The following IQSEC1 variants were observed in gnomAD, a reference collection of about 807,000 sequenced individuals.
IQSEC1 encodes the protein IQ motif and Sec7 domain ArfGEF 1.
A neutral mutation model predicts 91.0 loss-of-function variants in IQSEC1; 31 were observed. That is an observed-to-expected ratio of 0.34 (90% CI 0.26 to 0.46). The LOEUF is 0.46. IQSEC1 is among the 20% of genes least tolerant of loss of function. IQSEC1 has a pLI of 1.00. For synonymous variants in IQSEC1, 699 were observed against 662.6 expected, an observed-to-expected ratio of 1.05 and a Z score of -0.84; for missense variants, 1,388 against 1,575.6, an observed-to-expected ratio of 0.88 and a Z score of 2.02.
intron 6 of IQSEC1, among the ~76,000 whole-genome samples, chr3:12,917,764 C>T (rs1433401675): frequency 1.3e-5 from 2 of 152,198 alleles, no homozygotes; most frequent in Admixed American, 6.5e-5. Flanking sequence ...TATCAAGGAG[C>T]ACAACTGCTG....
Position 12,992,601 on chromosome 3 carries a change from C to G in IQSEC1, c.24-50736G>C, listed in dbSNP as rs558998953. On this transcript the variant is annotated intron_variant, in intron 1 of 13. Coordinates refer to ENST00000613206, the MANE Select transcript of IQSEC1 (RefSeq NM_001134382.3). This position sits in a 1 kb window ranked among gnomAD's most constrained non-coding sequence, Gnocchi z 4.1. Reference sequence around the variant, plus strand: ...GGTGGAGCCTGACCACAAAATGAAACGGTGGCTCATCAAAGTGCACAACCA... The same window carrying G: ...GGTGGAGCCTGACCACAAAATGAAAGGGTGGCTCATCAAAGTGCACAACCA... Among the ~76,000 whole-genome samples, 1 of 152,190 alleles carries G rather than the reference C, an allele frequency of 6.6e-6. No homozygotes were observed. The highest frequency in any genetic ancestry group is 6.5e-5 in the Admixed American group (1 of 15,276).
chr3:13,059,104 G>A (rs1228816721), intron 1 of IQSEC1, among the ~76,000 whole-genome samples: 1 of 152,040 alleles, frequency 6.6e-6, no homozygotes, highest in African/African-American at 2.4e-5. Flanking sequence ...CAAGGTCACT[G>A]TCCTGAGTCT....
intron 1 of IQSEC1, among the ~76,000 whole-genome samples, chr3:13,189,808 C>A (rs1165139912): frequency 1.3e-5 from 2 of 152,246 alleles, no homozygotes; most frequent in Non-Finnish European, 1.5e-5. Context: ...AGGCCACCAC[C>A]TCAGTGGGCC....
intron 1 of IQSEC1, among the ~76,000 whole-genome samples, chr3:12,978,810 G>A (rs1323654021): frequency 6.6e-6 from 1 of 152,206 alleles, no homozygotes; most frequent in Non-Finnish European, 1.5e-5. Flanking sequence ...AGGAATGATT[G>A]CTAGCTGGTG....
intron 1 of IQSEC1, among the ~76,000 whole-genome samples, chr3:13,221,717 T>C (rs1694664222): frequency 6.6e-6 from 1 of 152,246 alleles, no homozygotes; most frequent in Non-Finnish European, 1.5e-5. Flanking sequence ...TGTGGCTCCA[T>C]GACTGTATCA....
At chr3:13,071,142 A>G (rs1705402657) in intron 1 of IQSEC1, among the ~76,000 whole-genome samples, 1 of 86,196 alleles carries the variant, frequency 1.2e-5, no homozygotes, top group African/African-American at 3.7e-5. Context: ...GGACCCACAC[A>G]GTTTTTTTTT....
At chr3:13,091,451 T>C (rs932135375) in intron 2 of IQSEC1, among the ~76,000 whole-genome samples, 4 of 152,234 alleles carry the variant, frequency 2.6e-5, no homozygotes, top group Non-Finnish European at 4.4e-5. Context: ...CAGGACAGTG[T>C]TGCTGGGCCT....
At chr3:13,275,284 T>C (rs1695657823) in intron 1 of IQSEC1, among the ~76,000 whole-genome samples, 1 of 152,182 alleles carries the variant, frequency 6.6e-6, no homozygotes, top group Non-Finnish European at 1.5e-5. Context: ...AACCCGTTCC[T>C]TTGTGGATCT....
intron 1 of IQSEC1, among the ~76,000 whole-genome samples, chr3:13,252,144 G>T (rs571860592): frequency 1.3e-5 from 2 of 152,084 alleles, no homozygotes; most frequent in Non-Finnish European, 2.9e-5. Context: ...TCCATCTCCA[G>T]GACTTTTTCA....
Position 13,122,220 on chromosome 3 carries a change from C to T in IQSEC1, c.302+41884G>A, listed in dbSNP as rs6793557. On this transcript the variant is annotated intron_variant, in intron 2 of 15. Transcript: ENST00000648114. Reference sequence around the variant, plus strand: ...CCGTATAAAGACCTGCAAAAGGTAACGGAGCCACGTGAGTGTTCAGGGAAG... The same window carrying T: ...CCGTATAAAGACCTGCAAAAGGTAATGGAGCCACGTGAGTGTTCAGGGAAG... Among the ~76,000 whole-genome samples the T allele has an allele frequency of 5.9e-5, 9 of 152,278 alleles. No individual in the cohort carries two copies. In the South Asian group the frequency reaches 1.4e-3, roughly 25 times the overall value.
At chr3:12,964,558 T>A (rs1362181724) in intron 1 of IQSEC1, among the ~76,000 whole-genome samples, 1 of 152,230 alleles carries the variant, frequency 6.6e-6, no homozygotes, top group Non-Finnish European at 1.5e-5. Context: ...GATGGCCAGC[T>A]GTGCAGTGGC....
At chr3:13,052,062 G>GT (rs1704710290) in intron 1 of IQSEC1, among the ~76,000 whole-genome samples, 1 of 152,090 alleles carries the variant, frequency 6.6e-6, no homozygotes, top group Admixed American at 6.5e-5. Context: ...CAGCCCACTG[G>GT]GCCTATGGGG....
intron 2 of IQSEC1, among the ~76,000 whole-genome samples, chr3:13,084,878 A>G (rs995329707): frequency 5.3e-5 from 8 of 151,338 alleles, no homozygotes; most frequent in African/African-American, 1.9e-4. Flanking sequence ...TGAGAAAGTG[A>G]TAAGGGCAGC....
intron 6 of IQSEC1, among the ~76,000 whole-genome samples, chr3:12,915,955 G>A (rs1409695380): frequency 2.6e-5 from 4 of 152,218 alleles, no homozygotes; most frequent in African/African-American, 7.2e-5. Context: ...TAGGCGATGG[G>A]TGTCAGGGGC....
intron 1 of IQSEC1, among the ~76,000 whole-genome samples, chr3:13,213,444 G>A (rs1415272499): frequency 6.6e-6 from 1 of 152,164 alleles, no homozygotes; most frequent in Non-Finnish European, 1.5e-5. Context: ...TTGGACATCG[G>A]GAGTTGTGGG....
chr3:13,069,367 G>T (rs895757309), intron 1 of IQSEC1, among the ~76,000 whole-genome samples: 2 of 148,242 alleles, frequency 1.3e-5, no homozygotes, highest in Non-Finnish European at 3.0e-5. Flanking sequence ...AATGGTGAAG[G>T]CTCAATGCAC....
At chr3:13,201,427 C>T (rs1454431762) in intron 1 of IQSEC1, among the ~76,000 whole-genome samples, 1 of 152,216 alleles carries the variant, frequency 6.6e-6, no homozygotes, top group African/African-American at 2.4e-5. Flanking sequence ...AACTCCTGGG[C>T]TCCAGTGATC....
chr3:13,144,700 G>GCTC (rs1204169584), intron 2 of IQSEC1, among the ~76,000 whole-genome samples: 11 of 152,202 alleles, frequency 7.2e-5, no homozygotes, highest in Non-Finnish European at 1.3e-4. Context: ...CCATCACGTG[G>GCTC]CTCCCACGGC....
At chr3:13,235,078 G>T (rs1297795184) in intron 1 of IQSEC1, among the ~76,000 whole-genome samples, 1 of 152,174 alleles carries the variant, frequency 6.6e-6, no homozygotes, top group East Asian at 1.9e-4. Context: ...GTGTGTCTGT[G>T]CATTTTATTT....
Sources: allele counts gnomAD v4.1 joint callset (sites outside exome capture counted in the v4.1 genomes callset), GRCh38; gene constraint gnomAD v4.1.1; non-coding constraint Gnocchi (gnomAD v3.1); transcripts MANE v1.5; gene names NCBI Gene and HGNC (gene_info 2026-07-23, HGNC 2026-07-21).